Variants in OTULIN observed in about 807,000 individuals in gnomAD.
The protein encoded by OTULIN is ubiquitin thioesterase otulin.
OTULIN carries 15 observed loss-of-function variants against 39.6 expected under a neutral mutation model. The observed-to-expected ratio is 0.38, with a 90% confidence interval of 0.25 to 0.58. The LOEUF (loss-of-function observed/expected upper bound fraction) is 0.58, where lower values mean the gene tolerates loss of function less well. Ranked by LOEUF, OTULIN falls within the 20% of genes least tolerant of loss-of-function variation. The pLI, the probability that OTULIN is intolerant of heterozygous loss-of-function variation, is 0.66. For synonymous variants in OTULIN, 156 were observed against 170.3 expected, an observed-to-expected ratio of 0.92 and a Z score of 0.65; for missense variants, 319 against 445.9, an observed-to-expected ratio of 0.72 and a Z score of 2.56.
chr5:14,688,881 T>A (rs554645127), intron 5 of OTULIN, among the ~76,000 whole-genome samples: 9 of 152,346 alleles, frequency 5.9e-5, no homozygotes, highest in Non-Finnish European at 8.8e-5. Context: ...TTGCTATTTC[T>A]GCTTTATTAG....
At chr5:14,685,964 G>A (rs1736377870) in intron 4 of OTULIN, among the ~76,000 whole-genome samples, 1 of 152,356 alleles carries the variant, frequency 6.6e-6, no homozygotes, top group South Asian at 2.1e-4. Context: ...GGCAGTGTGG[G>A]CACGGAGTGG....
At chr5:14,667,505 T>TG (rs1560990047) in intron 1 of OTULIN, among the ~76,000 whole-genome samples, 1 of 152,042 alleles carries the variant, frequency 6.6e-6, no homozygotes, top group African/African-American at 2.4e-5. Flanking sequence ...CCTAAGTAGC[T>TG]GGGGCAACAG....
chr5:14,709,628 T>G, the OTULIN span: 1 of 152,408 alleles, frequency 6.6e-6, no homozygotes, highest in Non-Finnish European at 1.5e-5. Flanking sequence ...CAGCTTGCAC[T>G]TCTATTCCTA....
intron 1 of OTULIN, among the ~76,000 whole-genome samples, chr5:14,668,754 A>G (rs571118546): frequency 6.6e-6 from 1 of 152,370 alleles, no homozygotes; most frequent in African/African-American, 2.4e-5. Flanking sequence ...TTAGCTTTGC[A>G]TATACATTAG....
downstream of OTULIN, among the ~76,000 whole-genome samples, chr5:14,704,640 T>A (rs1479330729): frequency 6.6e-6 from 1 of 152,192 alleles, no homozygotes; most frequent in Non-Finnish European, 1.5e-5. Context: ...TCCCAGTGGT[T>A]AGAAGTTTTA....
chr5:14,666,906 A>G (rs895823354), intron 1 of OTULIN, among the ~76,000 whole-genome samples: 4 of 152,200 alleles, frequency 2.6e-5, no homozygotes, highest in African/African-American at 7.2e-5. Context: ...AAAGTTTCCA[A>G]TATAAGGTAT....
intron 1 of OTULIN, among the ~76,000 whole-genome samples, chr5:14,669,573 A>G (rs1400043858): frequency 6.6e-6 from 1 of 152,008 alleles, no homozygotes; most frequent in East Asian, 1.9e-4. Context: ...GGACTTTGAG[A>G]CCATCCTGGA....
chr5:14,670,793 G>T (rs933684675), intron 1 of OTULIN, among the ~76,000 whole-genome samples: 1 of 151,408 alleles, frequency 6.6e-6, no homozygotes, highest in East Asian at 1.9e-4. Context: ...TTTTGTAGAG[G>T]CGGGGTCTTG....
At chr5:14,708,154 CA>C in the OTULIN span, 1 of 152,254 alleles carries the variant, frequency 6.6e-6, no homozygotes, top group Non-Finnish European at 1.5e-5. Flanking sequence ...GAACAAATGG[CA>C]ACTGCACATT....
At position 14,678,772 on chromosome 5, in the gene OTULIN, A is replaced by C; in HGVS notation, c.321A>C (p.Lys107Asn). The C allele has an allele frequency of 6.2e-7, 1 of 1,602,586 alleles. No homozygotes were observed. Among genetic ancestry groups the C allele is most frequent in the Non-Finnish European group, 8.5e-7 (1 of 1,173,502 alleles). The change falls in exon 3 of 7, where the codon AAA becomes AAC. Residue 107 changes from lysine to asparagine, a missense_variant. Lys to Asn is a moderately conservative substitution (Grantham distance 94). This residue lies in a region of OTULIN where 132 missense variants were observed against 143.7 expected (regional missense o/e 0.92). Transcript: ENST00000284274. Reference protein sequence around the residue: ...RGNTQKATCMKMGYEEVSQKF... With the variant: ...RGNTQKATCMNMGYEEVSQKF... ...ATACACAGAAAGCAACGTGTATGAA[A>C]ATGGTATGACACAGAGGTGCACATA...
downstream of OTULIN, among the ~76,000 whole-genome samples, chr5:14,703,885 G>A (rs1485449113): frequency 1.3e-5 from 2 of 152,154 alleles, no homozygotes; most frequent in Non-Finnish European, 2.9e-5. Context: ...GGAGCAGTAA[G>A]GAAGGAAATA....
At chr5:14,701,263 C>T (rs368259492), downstream of OTULIN, among the ~76,000 whole-genome samples, 6 of 152,338 alleles carry the variant, frequency 3.9e-5, no homozygotes, top group South Asian at 1.0e-3. Flanking sequence ...CTTTGCAGCT[C>T]GTAGGAAGCC....
intron 1 of OTULIN, among the ~76,000 whole-genome samples, chr5:14,668,030 G>T (rs1735893685): frequency 6.6e-6 from 1 of 152,154 alleles, no homozygotes; most frequent in Non-Finnish European, 1.5e-5. Context: ...CTGTCTGAGG[G>T]TGAGACAGGG....
chr5:14,691,652 C>T (rs191101830), intron 6 of OTULIN, among the ~76,000 whole-genome samples: 171 of 149,566 alleles, frequency 1.1e-3, no homozygotes, highest in Non-Finnish European at 2.0e-3. Flanking sequence ...AATACATATA[C>T]CATAAAGTTC....
intron 2 of OTULIN, among the ~76,000 whole-genome samples, chr5:14,674,608 A>G (rs903768693): frequency 1.3e-5 from 2 of 152,084 alleles, no homozygotes; most frequent in African/African-American, 4.8e-5. Flanking sequence ...TACAAAAATT[A>G]ATCGGGCGTG....
At chr5:14,701,544 C>T (rs796904461), downstream of OTULIN, among the ~76,000 whole-genome samples, 5 of 152,172 alleles carry the variant, frequency 3.3e-5, no homozygotes, top group South Asian at 1.0e-3. Flanking sequence ...GTATTACAAC[C>T]CCCTGCCCCA....
In OTULIN at chr5:14,681,601, C is replaced by T. The variant is rs201942769; in HGVS notation, c.462C>T (p.Leu154=). The change falls in exon 4 of 7, where the codon CTC becomes CTT. Residue 154 remains leucine (L), a synonymous_variant. Coordinates refer to ENST00000284274, the MANE Select transcript of OTULIN (RefSeq NM_138348.6). ...GLPPWLQDPE[L]MLLPEKLISK... ...CGCCCTGGCTGCAGGACCCGGAGCT[C>T]ATGCTGGTACGCTGCTGCTGCAGGT... The T allele has an allele frequency of 1.0e-5, 16 of 1,605,824 alleles. No homozygotes were observed. The African/African-American group carries it at 1.2e-4, about 12-fold the overall frequency.
chr5:14,715,747 T>C, the OTULIN span, among the ~76,000 whole-genome samples: 2 of 152,230 alleles, frequency 1.3e-5, no homozygotes, highest in Admixed American at 1.3e-4. Flanking sequence ...ATGGAAATGG[T>C]TGTATACTAA....
chr5:14,711,083 C>G, the OTULIN span: 1 of 947,576 alleles, frequency 1.1e-6, no homozygotes, highest in Admixed American at 1.7e-5. Context: ...AGGCCTCTTT[C>G]ATTACCAAAA....
Sources: gnomAD v4.1 joint callset for allele counts (sites outside exome capture counted in the v4.1 genomes callset) on GRCh38, gnomAD v4.1.1 for gene constraint, gnomAD v4.1.1 regional missense constraint, MANE v1.5 for transcripts, NCBI Gene and HGNC (gene_info 2026-07-23, HGNC 2026-07-21) for gene names.